Variants in HS3ST5 observed in about 807,000 individuals in gnomAD.
The protein encoded by HS3ST5 is heparan sulfate-glucosamine 3-sulfotransferase 5.
A neutral mutation model predicts 25.4 loss-of-function variants in HS3ST5; 10 were observed. That is an observed-to-expected ratio of 0.39 (90% confidence interval 0.24 to 0.67). HS3ST5 has a LOEUF of 0.67. Among genes scored for constraint, HS3ST5 ranks in the 30% least tolerant of loss-of-function variants. HS3ST5 has a pLI of 0.44. For synonymous variants in HS3ST5, 170 were observed against 162.4 expected (o/e 1.05, Z -0.36); for missense variants, 324 against 420.7 (o/e 0.77, Z 2.01).
chr6:114,115,003 GA>G (rs1442735515), intron 3 of HS3ST5, among the ~76,000 whole-genome samples: 4 of 152,200 alleles, frequency 2.6e-5, no homozygotes, highest in Admixed American at 1.3e-4. Context: ...GCAGCGACCA[GA>G]GTCCTGGTCC....
At chr6:114,128,385 G>T (rs776942913) in intron 3 of HS3ST5, among the ~76,000 whole-genome samples, 1 of 152,190 alleles carries the variant, frequency 6.6e-6, no homozygotes, top group African/African-American at 2.4e-5. Flanking sequence ...GTGCAGCCAT[G>T]TAAATATTTA....
At chr6:114,145,546 AG>A (rs1339688553) in intron 3 of HS3ST5, among the ~76,000 whole-genome samples, 2 of 152,164 alleles carry the variant, frequency 1.3e-5, no homozygotes, top group Non-Finnish European at 2.9e-5. Flanking sequence ...GATTAGAAGG[AG>A]GGAGTCTGGA....
chr6:114,079,552 C>A (rs1371359992), intron 3 of HS3ST5, among the ~76,000 whole-genome samples: 1 of 152,206 alleles, frequency 6.6e-6, no homozygotes, highest in Non-Finnish European at 1.5e-5. Context: ...ACTTCCTCCA[C>A]TGAAGTCTTG....
At chr6:114,244,702 T>C (rs1440193977) in intron 1 of HS3ST5, among the ~76,000 whole-genome samples, 1 of 152,186 alleles carries the variant, frequency 6.6e-6, no homozygotes, top group Non-Finnish European at 1.5e-5. Flanking sequence ...CCCTTATAGT[T>C]ATTTTTGTGG....
At chr6:114,129,578 C>G (rs558004317) in intron 3 of HS3ST5, among the ~76,000 whole-genome samples, 1 of 152,088 alleles carries the variant, frequency 6.6e-6, no homozygotes, top group Non-Finnish European at 1.5e-5. Flanking sequence ...TAACATCTAG[C>G]AGAGGGTGGG....
At chr6:114,304,759 C>T (rs1775220061) in intron 1 of HS3ST5, among the ~76,000 whole-genome samples, 1 of 151,944 alleles carries the variant, frequency 6.6e-6, no homozygotes, top group Non-Finnish European at 1.5e-5. Context: ...ACAAAAACTG[C>T]AAGAAGAGAT....
chr6:114,242,654 C>T (rs1463672740), intron 1 of HS3ST5, among the ~76,000 whole-genome samples: 1 of 151,796 alleles, frequency 6.6e-6, no homozygotes, highest in Non-Finnish European at 1.5e-5. Context: ...GAGATCGAGA[C>T]CATCCTGGCT....
intron 3 of HS3ST5, among the ~76,000 whole-genome samples, chr6:114,097,668 T>C (rs2114811642): frequency 6.7e-6 from 1 of 148,804 alleles, no homozygotes; most frequent in Non-Finnish European, 1.5e-5. Context: ...ATTGAAGTAA[T>C]CAAAATTATT....
At chr6:114,247,077 G>A (rs1197751005) in intron 1 of HS3ST5, among the ~76,000 whole-genome samples, 1 of 152,110 alleles carries the variant, frequency 6.6e-6, no homozygotes, top group Non-Finnish European at 1.5e-5. Context: ...TTTTTGTAAT[G>A]CCACTTAATG....
intron 3 of HS3ST5, among the ~76,000 whole-genome samples, chr6:114,160,146 T>C (rs1778875604): frequency 6.6e-6 from 1 of 152,164 alleles, no homozygotes; most frequent in African/African-American, 2.4e-5. Context: ...CACATAGTTG[T>C]ATGATGCCTG....
chr6:114,186,633 G>A (rs968974022), intron 2 of HS3ST5, among the ~76,000 whole-genome samples: 3 of 152,224 alleles, frequency 2.0e-5, no homozygotes, highest in East Asian at 3.9e-4. Flanking sequence ...ATATAGAGGC[G>A]GCAGCAAATT....
chr6:114,150,443 G>C lies in HS3ST5; in HGVS notation c.-33+17908C>G, dbSNP rs556684047. Among the ~76,000 whole-genome samples the C allele has an allele frequency of 1.4e-4, 21 of 152,324 alleles. No individual in the cohort carries two copies. In the South Asian group the frequency reaches 3.9e-3, roughly 29 times the overall value. On this transcript the variant is annotated intron_variant, in intron 3 of 4. Coordinates refer to ENST00000312719, the MANE Select transcript of HS3ST5 (RefSeq NM_153612.4). ...CGTATAGAGGCCCAGCTGCCCTTTT[G>C]ACTAAATACATCAAAATAAGTATTT...
intron 3 of HS3ST5, among the ~76,000 whole-genome samples, chr6:114,108,810 T>A (rs1484944749): frequency 6.6e-6 from 1 of 152,168 alleles, no homozygotes; most frequent in Non-Finnish European, 1.5e-5. Flanking sequence ...ACTTATCAAA[T>A]TGTACAATTA....
At chr6:114,341,210 A>C (rs1776833274) in intron 1 of HS3ST5, among the ~76,000 whole-genome samples, 1 of 71,448 alleles carries the variant, frequency 1.4e-5, no homozygotes, top group Non-Finnish European at 2.8e-5. Flanking sequence ...GAGAGGGAAT[A>C]GGGAGAGAGG....
intron 1 of HS3ST5, among the ~76,000 whole-genome samples, chr6:114,330,045 G>A (rs977890465): frequency 2.0e-5 from 3 of 152,096 alleles, no homozygotes; most frequent in African/African-American, 7.2e-5. Flanking sequence ...TGCACAGTCC[G>A]GTGGGAGTGG....
At chr6:114,176,608 T>C (rs985080581) in intron 2 of HS3ST5, among the ~76,000 whole-genome samples, 4 of 152,138 alleles carry the variant, frequency 2.6e-5, no homozygotes, top group African/African-American at 9.7e-5. Flanking sequence ...CTCAACTCCA[T>C]GGGGTTGCGG....
intron 1 of HS3ST5, among the ~76,000 whole-genome samples, chr6:114,251,150 C>T (rs140126994): frequency 3.9e-5 from 6 of 152,142 alleles, no homozygotes; most frequent in South Asian, 2.1e-4. Context: ...GAAAAAGTAA[C>T]GTATAAAAAG....
At chr6:114,254,295 A>C (rs1026876597) in intron 1 of HS3ST5, among the ~76,000 whole-genome samples, 3 of 152,214 alleles carry the variant, frequency 2.0e-5, no homozygotes, top group Admixed American at 2.0e-4. Context: ...CCATCCTGGC[A>C]GGTTCAACAT....
chr6:114,109,675 A>G (rs1776170623), intron 3 of HS3ST5, among the ~76,000 whole-genome samples: 1 of 152,144 alleles, frequency 6.6e-6, no homozygotes, highest in Non-Finnish European at 1.5e-5. Flanking sequence ...GCTGCTGTTC[A>G]TGAGAGGTGT....
Sources: allele counts gnomAD v4.1 joint callset (sites outside exome capture counted in the v4.1 genomes callset), GRCh38; gene constraint gnomAD v4.1.1; transcripts MANE v1.5; gene names NCBI Gene and HGNC (gene_info 2026-07-23, HGNC 2026-07-21).